MCPH1: variants seen among roughly 807,000 people sequenced by gnomAD.
MCPH1 encodes the protein microcephalin.
A neutral mutation model predicts 84.5 loss-of-function variants in MCPH1; 104 were observed. The observed-to-expected ratio is 1.23, with a 90% confidence interval of 1.05 to 1.45. MCPH1 has a LOEUF of 1.45. MCPH1 is among the 40% of genes most tolerant of loss of function. The pLI is 0.00. For synonymous variants in MCPH1, 514 were observed against 366.8 expected (o/e 1.40, Z -4.58); for missense variants, 1,498 against 1,005.7 (o/e 1.49, Z -6.62).
At chr8:6,450,847 A>T in intron 8 of MCPH1, among the ~76,000 whole-genome samples, 1 of 151,984 alleles carries the variant, frequency 6.6e-6, no homozygotes, top group Non-Finnish European at 1.5e-5. Flanking sequence ...GGCTCAAGTG[A>T]TCCTCCCACC....
At chr8:6,633,920 C>G (rs566952469) in intron 13 of MCPH1, among the ~76,000 whole-genome samples, 1 of 150,360 alleles carries the variant, frequency 6.7e-6, no homozygotes, top group Non-Finnish European at 1.5e-5. Flanking sequence ...ATCAATAGCA[C>G]AAACAGTCAA....
At chr8:6,626,455 T>C in intron 13 of MCPH1, 1 of 983,486 alleles carries the variant, frequency 1.0e-6, no homozygotes, top group African/African-American at 1.8e-5. Context: ...ATGGGGTTGT[T>C]GTTTGGTTTT....
rs560522120 is a variant in MCPH1 at position 6,464,895 on chromosome 8, A to T, written c.1935+9643A>T. ...ACACCTGTAGTCCCAGCTACTCGGGAGACTAAGGCAGGACAATCACTTGAA... is the reference window on the plus strand; with the variant it reads ...ACACCTGTAGTCCCAGCTACTCGGGTGACTAAGGCAGGACAATCACTTGAA... On this transcript the variant is annotated intron_variant, in intron 9 of 13. Transcript: ENST00000344683. Among the ~76,000 whole-genome samples the T allele has an allele frequency of 1.3e-4, 20 of 152,260 alleles. 1 individual carries two copies. The South Asian group carries it at 4.1e-3, about 32-fold the overall frequency.
intron 12 of MCPH1, among the ~76,000 whole-genome samples, chr8:6,592,641 T>TTTTTTTTTTTTTG (rs1238168977): frequency 5.6e-5 from 6 of 107,496 alleles, no homozygotes; most frequent in Non-Finnish European, 9.4e-5. Flanking sequence ...TTTTTTTTTT[T>TTTTTTTTTTTTTG]TTGTTGCTGT....
chr8:6,417,367 T>C (rs981568273), intron 3 of MCPH1, among the ~76,000 whole-genome samples: 4 of 149,630 alleles, frequency 2.7e-5, no homozygotes, highest in Non-Finnish European at 4.5e-5. Flanking sequence ...TAATAGAAAA[T>C]AAGTAAACAA....
chr8:6,466,543 G>A (rs988473748), intron 9 of MCPH1, among the ~76,000 whole-genome samples: 1 of 152,072 alleles, frequency 6.6e-6, no homozygotes, highest in East Asian at 1.9e-4. Context: ...TCCTGACCTC[G>A]TGATCCGCCC....
At chr8:6,409,560 G>A (rs1411529555) in intron 2 of MCPH1, among the ~76,000 whole-genome samples, 190 bp downstream of exon 2, 2 of 152,266 alleles carry the variant, frequency 1.3e-5, no homozygotes, top group East Asian at 3.9e-4. Flanking sequence ...ATGCCTGTGG[G>A]CATTGAGTGA....
intron 13 of MCPH1, among the ~76,000 whole-genome samples, chr8:6,628,208 C>G (rs995398826): frequency 1.3e-5 from 2 of 152,032 alleles, no homozygotes; most frequent in South Asian, 4.1e-4. Flanking sequence ...CAGTGGCTCA[C>G]TCCCGTCATC....
chr8:6,476,902 G>C (rs1808535916), intron 9 of MCPH1, among the ~76,000 whole-genome samples: 1 of 152,064 alleles, frequency 6.6e-6, no homozygotes, highest in African/African-American at 2.4e-5. Context: ...GTGAACATTT[G>C]GCTGAATATA....
chr8:6,477,658 A>T, intron 10 of MCPH1, 27 bp downstream of exon 10: 6 of 1,598,350 alleles, frequency 3.8e-6, no homozygotes, highest in Non-Finnish European at 5.1e-6. Context: ...ATTTCTGTTC[A>T]ATGTAAAATG....
At chr8:6,458,377 C>T (rs999145824) in intron 9 of MCPH1, among the ~76,000 whole-genome samples, 67 of 149,406 alleles carry the variant, frequency 4.5e-4, no homozygotes, top group Non-Finnish European at 8.7e-4. Context: ...AAGGCTGAGG[C>T]AGGAGAATGG....
chr8:6,521,926 G>C (rs112095388), intron 12 of MCPH1, among the ~76,000 whole-genome samples: 2 of 152,192 alleles, frequency 1.3e-5, no homozygotes, highest in Non-Finnish European at 2.9e-5. Context: ...ACTTCTCCCA[G>C]ACTCAAGTAC....
intron 12 of MCPH1, among the ~76,000 whole-genome samples, chr8:6,530,553 A>T (rs1819296276): frequency 9.9e-6 from 1 of 100,534 alleles, no homozygotes; most frequent in Admixed American, 1.1e-4. Flanking sequence ...ATCTGCAGTT[A>T]CTTTTGGTCC....
chr8:6,639,626 G>A (rs908885090), intron 13 of MCPH1, among the ~76,000 whole-genome samples: 4 of 150,492 alleles, frequency 2.7e-5, no homozygotes, highest in African/African-American at 9.8e-5. Flanking sequence ...TCATACCACT[G>A]CACTCCAGTC....
intron 12 of MCPH1, among the ~76,000 whole-genome samples, chr8:6,592,623 G>GTTTTTTTTTTTTTTTTTTT (rs573651366): frequency 2.3e-4 from 18 of 77,546 alleles, no homozygotes; most frequent in South Asian, 5.3e-4. Flanking sequence ...TCTTTTTTTT[G>GTTTTTTTTTTTTTTTTTTT]TTTTTTTTTT....
chr8:6,444,297 C>G, intron 7 of MCPH1, 96 bp from the exon 8 acceptor site: 4 of 1,385,472 alleles, frequency 2.9e-6, no homozygotes, highest in Non-Finnish European at 3.0e-6. Flanking sequence ...TAACTAATAG[C>G]TGTACTTTAA....
At chr8:6,479,649 A>G (rs1159249980) in intron 10 of MCPH1, among the ~76,000 whole-genome samples, 1 of 151,938 alleles carries the variant, frequency 6.6e-6, no homozygotes, top group African/African-American at 2.4e-5. Context: ...GTTGTTGTAT[A>G]TATCACAGTG....
intron 8 of MCPH1, among the ~76,000 whole-genome samples, chr8:6,447,763 C>A (rs1368180453): frequency 6.6e-6 from 1 of 152,050 alleles, no homozygotes; most frequent in Non-Finnish European, 1.5e-5. Flanking sequence ...CTTGGCCAGG[C>A]TGGTCTTGAA....
chr8:6,415,734 A>G (rs931196284), intron 3 of MCPH1, among the ~76,000 whole-genome samples: 4 of 152,134 alleles, frequency 2.6e-5, no homozygotes, highest in Admixed American at 2.0e-4. Flanking sequence ...TTTCATTTTC[A>G]AGATTGTTTG....
Sources: gnomAD v4.1 joint callset for allele counts (sites outside exome capture counted in the v4.1 genomes callset) on GRCh38, gnomAD v4.1.1 for gene constraint, MANE v1.5 for transcripts, NCBI Gene and HGNC (gene_info 2026-07-23, HGNC 2026-07-21) for gene names.